CSMD3: variants seen among roughly 807,000 people sequenced by gnomAD.
CSMD3 encodes CUB and sushi domain-containing protein 3.
Under a neutral mutation model 435.2 loss-of-function variants are expected in CSMD3, and 177 were observed. That is an observed-to-expected ratio of 0.41 (90% confidence interval 0.36 to 0.46). CSMD3 has a LOEUF of 0.46. Among genes scored for constraint, CSMD3 ranks in the 20% least tolerant of loss-of-function variants. CSMD3 has a pLI of 0.34. For synonymous variants in CSMD3, 1,656 were observed against 1,520.5 expected (o/e 1.09, Z -2.07); for missense variants, 4,265 against 4,504.6 (o/e 0.95, Z 1.52).
At chr8:113,173,999 G>C in intron 3 of CSMD3, 83 bp from the exon 4 acceptor site, 1 of 947,206 alleles carries the variant, frequency 1.1e-6, no homozygotes, top group Middle Eastern at 2.9e-4. Context: ...TATATATGTA[G>C]ATATGGATAT....
At chr8:112,444,987 A>C (rs1815434200) in intron 32 of CSMD3, among the ~76,000 whole-genome samples, 1 of 152,188 alleles carries the variant, frequency 6.6e-6, no homozygotes, top group South Asian at 2.1e-4. Context: ...TCATGCCTAT[A>C]AACCTAGCAC....
intron 5 of CSMD3, among the ~76,000 whole-genome samples, chr8:113,032,579 T>C (rs2087161181): frequency 6.6e-6 from 1 of 151,514 alleles, no homozygotes; most frequent in South Asian, 2.1e-4. Context: ...TATGAATTCA[T>C]AAAGAGATGG....
Position 112,291,733 on chromosome 8 carries a change from T to A in CSMD3, c.8789-38A>T, listed in dbSNP as rs187408096. 6.1e-5 allele frequency: 78 copies of A among 1,281,720 alleles called. No homozygotes were observed. The African/African-American group carries it at 1.0e-3, about 17-fold the overall frequency. 79.4% of individuals were successfully genotyped at this position (1,281,720 alleles called of 1,614,324 possible). A position where few individuals can be genotyped will look rare whatever the true frequency, so the allele number is the denominator to read the frequency against. ...CAAATTTTGAAACATATGTTTGGAA[T>A]AATATACATATACCTATATAGATTT... is the stretch of plus-strand genomic sequence containing the variant. On this transcript the variant is annotated intron_variant, in intron 55 of 70. Transcript: ENST00000297405.
At chr8:112,375,882 CAGG>C (rs1469727098) in intron 38 of CSMD3, among the ~76,000 whole-genome samples, 1 of 152,100 alleles carries the variant, frequency 6.6e-6, no homozygotes, top group Non-Finnish European at 1.5e-5. Context: ...CTATACCTTT[CAGG>C]AGTAGTCATG....
chr8:112,686,152 T>C (rs1467117398), intron 14 of CSMD3, among the ~76,000 whole-genome samples: 4 of 152,228 alleles, frequency 2.6e-5, no homozygotes, highest in East Asian at 1.9e-4. Flanking sequence ...CAGAAAACAC[T>C]CAAGGGGATG....
At chr8:113,078,578 G>T (rs1395971116) in intron 5 of CSMD3, among the ~76,000 whole-genome samples, 1 of 152,038 alleles carries the variant, frequency 6.6e-6, no homozygotes, top group East Asian at 1.9e-4. Flanking sequence ...ACTTATCTTA[G>T]TCATTTTGCT....
chr8:113,032,956 C>T (rs921401671), intron 5 of CSMD3, among the ~76,000 whole-genome samples: 11 of 151,580 alleles, frequency 7.3e-5, no homozygotes, highest in Non-Finnish European at 1.3e-4. Context: ...TGGGCCATTG[C>T]TTCAAATGGT....
chr8:112,878,710 T>C (rs1343834374), intron 10 of CSMD3, among the ~76,000 whole-genome samples: 3 of 152,112 alleles, frequency 2.0e-5, no homozygotes, highest in Non-Finnish European at 4.4e-5. Context: ...ATGTGGCACA[T>C]ATACACCATG....
chr8:112,892,861 G>A (rs931356726), intron 10 of CSMD3, among the ~76,000 whole-genome samples: 14 of 151,354 alleles, frequency 9.2e-5, no homozygotes, highest in Non-Finnish European at 1.9e-4. Flanking sequence ...CTTAGAATGC[G>A]AGCTCTATAA....
At chr8:113,049,782 G>C (rs113611494) in intron 5 of CSMD3, among the ~76,000 whole-genome samples, 1 of 152,140 alleles carries the variant, frequency 6.6e-6, no homozygotes, top group Non-Finnish European at 1.5e-5. Flanking sequence ...TTTATTTTCT[G>C]TTTATAATTC....
intron 12 of CSMD3, among the ~76,000 whole-genome samples, chr8:112,828,015 A>G (rs527589985): frequency 6.6e-6 from 1 of 152,340 alleles, no homozygotes; most frequent in African/African-American, 2.4e-5. Context: ...GCTAATCATC[A>G]GAGCAGCTCT....
chr8:113,036,203 G>T (rs1384350149), intron 5 of CSMD3, among the ~76,000 whole-genome samples: 1 of 151,860 alleles, frequency 6.6e-6, no homozygotes, highest in Non-Finnish European at 1.5e-5. Context: ...AATTTTGAGG[G>T]TTATTGCAAT....
At chr8:112,891,029 C>G (rs2130325921) in intron 10 of CSMD3, among the ~76,000 whole-genome samples, 1 of 151,688 alleles carries the variant, frequency 6.6e-6, no homozygotes, top group South Asian at 2.1e-4. Flanking sequence ...TATATGTAGT[C>G]TTTTAATAGT....
At chr8:113,170,735 A>T (rs537812714) in intron 4 of CSMD3, among the ~76,000 whole-genome samples, 1 of 152,280 alleles carries the variant, frequency 6.6e-6, no homozygotes, top group East Asian at 1.9e-4. Context: ...AGCACATAAC[A>T]TAATGCTTTG....
At chr8:112,873,417 T>C (rs1164116607) in intron 10 of CSMD3, among the ~76,000 whole-genome samples, 1 of 152,062 alleles carries the variant, frequency 6.6e-6, no homozygotes, top group Admixed American at 6.6e-5. Context: ...TTTCACATGT[T>C]ATTTCCTTCA....
Position 113,314,775 on chromosome 8 carries a change from C to T in CSMD3, c.197G>A (p.Gly66Asp), listed in dbSNP as rs2132671727. 1 of 1,606,132 alleles carries T rather than the reference C, an allele frequency of 6.2e-7. No individual in the cohort carries two copies. Among genetic ancestry groups the T allele is most frequent in the Non-Finnish European group, 8.5e-7 (1 of 1,173,392 alleles). ...GCCATTAAGTCCTTTTAAAGTTCCA[C>T]CACATGTATAAATAAATCCTGCAAC... ...SCVKGFIYTC[G>D]GTLKGLNGTI... Residue 66 changes from glycine (G) to aspartate (D), a missense_variant, in exon 2 of 71, where the codon GGT becomes GAT. Coordinates refer to ENST00000297405, the MANE Select transcript of CSMD3 (RefSeq NM_198123.2).
At chr8:112,754,216 A>C (rs548654302) in intron 13 of CSMD3, among the ~76,000 whole-genome samples, 3 of 152,258 alleles carry the variant, frequency 2.0e-5, no homozygotes, top group African/African-American at 7.2e-5. Context: ...AAAAGAAAAA[A>C]CTGCTGAACA....
At chr8:112,962,584 T>C (rs1235712848) in intron 7 of CSMD3, among the ~76,000 whole-genome samples, 2 of 151,806 alleles carry the variant, frequency 1.3e-5, no homozygotes, top group Non-Finnish European at 2.9e-5. Flanking sequence ...CTTTAATAAA[T>C]AACAACAGTC....
chr8:112,660,565 AT>A (rs145106218), intron 17 of CSMD3, among the ~76,000 whole-genome samples: 1,680 of 151,702 alleles, frequency 0.011, 36 homozygotes, highest in African/African-American at 0.038. Flanking sequence ...ATATTTAAGG[AT>A]TTTTTTTTCT....
Sources: allele counts gnomAD v4.1 joint callset (sites outside exome capture counted in the v4.1 genomes callset), GRCh38; gene constraint gnomAD v4.1.1; transcripts MANE v1.5; gene names NCBI Gene and HGNC (gene_info 2026-07-23, HGNC 2026-07-21).